The following SH3GL1 variants were observed in gnomAD, a reference collection of about 807,000 sequenced individuals.
The protein encoded by SH3GL1 is endophilin-A2.
In SH3GL1, 21 loss-of-function variants were observed where a neutral mutation model predicts 48.8. The ratio of observed to expected loss-of-function variants is 0.43; its 90% CI spans 0.30 to 0.62. SH3GL1 has a LOEUF of 0.62. Among genes scored for constraint, SH3GL1 ranks in the 20% least tolerant of loss-of-function variants. SH3GL1 has a pLI of 0.11. For synonymous variants in SH3GL1, 282 were observed against 217.5 expected (o/e 1.30, Z -2.61); for missense variants, 454 against 503.0 (o/e 0.90, Z 0.93).
intron 6 of SH3GL1, 106 bp downstream of exon 6, chr19:4,363,614 G>A (rs1972687370): frequency 1.5e-5 from 23 of 1,509,332 alleles, no homozygotes; most frequent in Non-Finnish European, 2.1e-5. Context: ...CTCCCCTGCT[G>A]CAGCGGCCAG....
Position 4,360,981 on chromosome 19 carries a change from TC to T in SH3GL1, c.*618del, listed in dbSNP as rs1972590627. On this transcript the variant is annotated 3_prime_UTR_variant, in exon 10 of 10. Transcript: ENST00000269886. ...TCAGGCAGATCCCAGCTGGCCTCTG[TC>T]CCCGGGCTGCAAGCTGACAGCAGGC... 8.6e-6 allele frequency: 2 copies of T among 233,650 alleles called. No individual in the cohort carries two copies. Among genetic ancestry groups the T allele is most frequent in the South Asian group, 1.8e-4 (1 of 5,594 alleles). 14.5% of individuals were successfully genotyped at this position (233,650 alleles called of 1,614,324 possible).
intron 1 of SH3GL1, among the ~76,000 whole-genome samples, chr19:4,372,090 G>C (rs545552330): frequency 7.9e-5 from 12 of 152,360 alleles, no homozygotes; most frequent in African/African-American, 2.9e-4. Context: ...CTACAGGCAT[G>C]ACACAGTGTG....
At chr19:4,394,596 C>G (rs1168247380) in intron 1 of SH3GL1, among the ~76,000 whole-genome samples, 1 of 152,210 alleles carries the variant, frequency 6.6e-6, no homozygotes, top group East Asian at 1.9e-4. Flanking sequence ...GGGAGATGAA[C>G]TAGCCTGGAA....
rs1214652855 is a variant in SH3GL1 at position 4,381,327 on chromosome 19, GTC to G, written c.46-14335_46-14334del. ...CTCTCTCTGTCCCCCTATGTCTCCC[GTC>G]TCTCTGTCCCCTCTGCCTCTCTCTG... On this transcript the variant is annotated intron_variant, in intron 1 of 9. Transcript: ENST00000269886. Among the ~76,000 whole-genome samples, 64 of 65,992 alleles carry G rather than the reference GTC, an allele frequency of 9.7e-4. 1 individual carries two copies. The highest frequency in any genetic ancestry group is 7.6e-3 in the East Asian group (15 of 1,982). The allele number at this position is 65,992 out of a possible 152,430, so 43.3% of individuals were successfully genotyped here. A position where few individuals can be genotyped will look rare whatever the true frequency, so the allele number is the denominator to read the frequency against.
In SH3GL1 at chr19:4,361,744, G is replaced by A. The variant is rs142514939; in HGVS notation, c.963C>T (p.Asn321=). 391 of 1,612,714 alleles carry A rather than the reference G, an allele frequency of 2.4e-4. No homozygotes were observed. The highest frequency in any genetic ancestry group is 2.6e-4 in the Non-Finnish European group (312 of 1,179,858). Residue 321 remains asparagine, a synonymous_variant, in exon 10 of 10, where the codon AAC becomes AAT. Coordinates refer to ENST00000269886, the MANE Select transcript of SH3GL1 (RefSeq NM_003025.4). The stretch of plus-strand genomic sequence containing the variant: ...CCTCATGGAAGCCCAGCTCCCCGTC[G>A]TTCTCGGGCTCGAAGTCGTACAGCG... ...CKALYDFEPE[N]DGELGFHEGD... is the part of the protein sequence containing the mutation.
intron 1 of SH3GL1, among the ~76,000 whole-genome samples, chr19:4,381,227 T>C (rs1973118807): frequency 8.8e-6 from 1 of 113,212 alleles, no homozygotes; most frequent in Non-Finnish European, 1.8e-5. Flanking sequence ...TGCCTCTGTC[T>C]CCCATCTCTC....
chr19:4,394,892 T>C (rs1007449122), intron 1 of SH3GL1, among the ~76,000 whole-genome samples: 2 of 152,192 alleles, frequency 1.3e-5, no homozygotes, highest in African/African-American at 2.4e-5. Context: ...TTGGCAACCA[T>C]CCCTGGCCCC....
At chr19:4,390,905 G>A (rs2144919985) in intron 1 of SH3GL1, among the ~76,000 whole-genome samples, 1 of 152,342 alleles carries the variant, frequency 6.6e-6, no homozygotes, top group Non-Finnish European at 1.5e-5. Flanking sequence ...TCCTACTGGG[G>A]ACGTTGGCAG....
At chr19:4,399,139 G>C (rs924208358) in intron 1 of SH3GL1, among the ~76,000 whole-genome samples, 1 of 152,008 alleles carries the variant, frequency 6.6e-6, no homozygotes, top group Non-Finnish European at 1.5e-5. Flanking sequence ...GGGGCACATG[G>C]AGAAACCCTG....
rs962292689 is a variant in SH3GL1 at position 4,367,395 on chromosome 19, C to A, written c.46-401G>T. On this transcript the variant is annotated intron_variant, in intron 1 of 9. Coordinates refer to ENST00000269886, the MANE Select transcript of SH3GL1 (RefSeq NM_003025.4). The surrounding 1 kb of genome is among the most constrained non-coding windows in gnomAD (Gnocchi z 4.2). ...CACAGATAGCAATGTGGGGATCTGC[C>A]CCCATCCTTGAGTATGTGGGGTCTA... Among the ~76,000 whole-genome samples, 5 of 152,030 alleles carry A rather than the reference C, an allele frequency of 3.3e-5. No homozygotes were observed. Among genetic ancestry groups the A allele is most frequent in the African/African-American group, 1.2e-4 (5 of 41,360 alleles).
At position 4,360,778 on chromosome 19, in the gene SH3GL1, TGGTCCCGTGTGAGGTGTGCTGG is replaced by T. The variant is rs1158988464; in HGVS notation, c.*800_*821del. On this transcript the variant is annotated 3_prime_UTR_variant, in exon 10 of 10. Transcript: ENST00000269886. ...TGCTTGGCCCTCGGCAGCGCGGCTG[TGGTCCCGTGTGAGGTGTGCTGG>T]GGTGGGTGTGGGTGGCTGGTGGTGG... 1.3e-5 allele frequency: 3 copies of T among 233,440 alleles called. No homozygotes were observed. Among genetic ancestry groups the T allele is most frequent in the Non-Finnish European group, 2.5e-5 (3 of 118,254 alleles). The allele number at this position is 233,440 out of a possible 1,614,324, so 14.5% of individuals were successfully genotyped here. A position where few individuals can be genotyped will look rare whatever the true frequency, so the allele number is the denominator to read the frequency against.
intron 1 of SH3GL1, among the ~76,000 whole-genome samples, chr19:4,374,489 C>G (rs567945782): frequency 6.6e-6 from 1 of 152,254 alleles, no homozygotes; most frequent in Non-Finnish European, 1.5e-5. Context: ...AGGCCTCCAG[C>G]TCTGGCTGCT....
intron 1 of SH3GL1, among the ~76,000 whole-genome samples, chr19:4,370,860 A>C (rs1037913539): frequency 3.3e-5 from 5 of 152,244 alleles, no homozygotes; most frequent in African/African-American, 4.8e-5. Context: ...GCCTCTGGGA[A>C]GGATCCCACT....
rs527380978 is a variant in SH3GL1, at chr19:4,362,686, C to T, written c.779G>A (p.Arg260Gln). The T allele has an allele frequency of 2.9e-4, 473 of 1,614,022 alleles. 9 individuals are homozygous for T. The South Asian group carries it at 4.9e-3, about 17-fold the overall frequency. The change falls in exon 8 of 10, where the codon CGG (arginine) becomes CAG (glutamine). Residue 260 changes from arginine (R) to glutamine (Q), a missense_variant. Physicochemically the swap from Arg to Gln is conservative, Grantham distance 43. Coordinates refer to ENST00000269886, the MANE Select transcript of SH3GL1 (RefSeq NM_003025.4). ...RPKREYKPKP[R>Q]EPFDLGEPEQ... is the part of the protein sequence containing the mutation. ...AGGCTCTCCAAGGTCAAAGGGCTCC[C>T]GGGGCTTGGGCTTATACTCCCGCTT...
At chr19:4,366,730 T>A (rs1455398447) in intron 2 of SH3GL1, among the ~76,000 whole-genome samples, 157 bp from the exon 3 acceptor site, 2 of 151,718 alleles carry the variant, frequency 1.3e-5, no homozygotes, top group East Asian at 3.9e-4. Flanking sequence ...CACAGCTGCC[T>A]GCCCACGGCA....
At chr19:4,368,412 A>C (rs1972828304) in intron 1 of SH3GL1, among the ~76,000 whole-genome samples, 2 of 152,224 alleles carry the variant, frequency 1.3e-5, no homozygotes, top group Admixed American at 6.5e-5. Context: ...TGTACCCTCT[A>C]GCCCATGCCT....
rs1422374043 is a variant in SH3GL1 at position 4,367,190 on chromosome 19, G to C, written c.46-196C>G. Among the ~76,000 whole-genome samples, 2 of 152,130 alleles carry C rather than the reference G, an allele frequency of 1.3e-5. No individual in the cohort carries two copies. The highest frequency in any genetic ancestry group is 6.5e-5 in the Admixed American group (1 of 15,284). On this transcript the variant is annotated intron_variant, in intron 1 of 9. Coordinates refer to ENST00000269886, the MANE Select transcript of SH3GL1 (RefSeq NM_003025.4). The surrounding 1 kb of genome is among the most constrained non-coding windows in gnomAD (Gnocchi z 4.2). ...GCCTGCAGAGCAGGGTGGGCCTGCAGGGGGAGGGGGAGGGTGGGGGTGGCC... is the reference window on the plus strand; with the variant it reads ...GCCTGCAGAGCAGGGTGGGCCTGCACGGGGAGGGGGAGGGTGGGGGTGGCC...
chr19:4,393,305 A>AC (rs1973370221), intron 1 of SH3GL1, among the ~76,000 whole-genome samples: 1 of 151,704 alleles, frequency 6.6e-6, no homozygotes, highest in Non-Finnish European at 1.5e-5. Context: ...AACAAAAAAA[A>AC]ACACCATCAT....
chr19:4,363,667 C>A, intron 6 of SH3GL1, 53 bp downstream of exon 6: 2 of 1,605,474 alleles, frequency 1.2e-6, no homozygotes. Context: ...GGCACCACCC[C>A]GGCCTCCCAA....
Sources: allele counts gnomAD v4.1 joint callset (sites outside exome capture counted in the v4.1 genomes callset), GRCh38; gene constraint gnomAD v4.1.1; non-coding constraint Gnocchi (gnomAD v3.1); transcripts MANE v1.5; gene names NCBI Gene and HGNC (gene_info 2026-07-23, HGNC 2026-07-21).